The following ANKFN1 variants were observed in gnomAD, a reference collection of about 807,000 sequenced individuals.
ANKFN1 encodes ankyrin repeat and fibronectin type III domain containing 1, also known as ankyrin repeat and fibronectin type-III domain-containing protein 1.
ANKFN1 carries 74 observed loss-of-function variants against 108.7 expected under a neutral mutation model. The observed-to-expected ratio is 0.68, with a 90% confidence interval of 0.56 to 0.83. The LOEUF (loss-of-function observed/expected upper bound fraction) is 0.83. ANKFN1 is among the 40% of genes least tolerant of loss of function. ANKFN1 has a pLI of 0.00. For synonymous variants in ANKFN1, 547 were observed against 516.2 expected (o/e 1.06, Z -0.81); for missense variants, 1,505 against 1,382.3 (o/e 1.09, Z -1.41).
At chr17:56,223,460 C>T (rs1054273038) in intron 2 of ANKFN1, among the ~76,000 whole-genome samples, 11 of 151,996 alleles carry the variant, frequency 7.2e-5, no homozygotes, top group Non-Finnish European at 7.4e-5. Context: ...TAAATAAACA[C>T]GCTAAGTCAG....
At chr17:56,153,453 G>C, upstream of ANKFN1, 5 of 1,606,178 alleles carry the variant, frequency 3.1e-6, no homozygotes, top group Non-Finnish European at 3.4e-6. Flanking sequence ...TCGCAAAGGG[G>C]TTTCCCTCCA....
intron 10 of ANKFN1, among the ~76,000 whole-genome samples, chr17:56,447,020 C>T (rs1036852927): frequency 6.6e-6 from 1 of 152,092 alleles, no homozygotes; most frequent in African/African-American, 2.4e-5. Flanking sequence ...GCCAGAAGTT[C>T]GAGACCAGCC....
intron 8 of ANKFN1, among the ~76,000 whole-genome samples, chr17:56,386,577 T>G (rs2047278539): frequency 9.3e-6 from 1 of 107,806 alleles, no homozygotes; most frequent in South Asian, 3.2e-4. Context: ...TTGCATCTCA[T>G]GAGTTTTTTT....
At chr17:56,314,674 A>G (rs1240106338) in intron 3 of ANKFN1, among the ~76,000 whole-genome samples, 2 of 152,174 alleles carry the variant, frequency 1.3e-5, no homozygotes, top group East Asian at 3.9e-4. Flanking sequence ...AATAAGTAGG[A>G]AACCCAAGTC....
chr17:56,383,479 C>T lies in ANKFN1; in HGVS notation c.910+8765C>T, dbSNP rs570251153. Reference sequence around the variant, plus strand: ...GCAGAAGGCAAGAAATAACTAAAATCAGAGCAGAACTGAAGGAATTAGAGA... The same window carrying T: ...GCAGAAGGCAAGAAATAACTAAAATTAGAGCAGAACTGAAGGAATTAGAGA... On this transcript the variant is annotated intron_variant, in intron 8 of 20. Transcript: ENST00000682825. Among the ~76,000 whole-genome samples, 4 of 152,190 alleles carry T rather than the reference C, an allele frequency of 2.6e-5. No individual in the cohort carries two copies. In the East Asian group the frequency reaches 7.7e-4, roughly 29 times the overall value.
At chr17:56,118,330 C>T (rs553221961) in intron 4 of ANKFN1, among the ~76,000 whole-genome samples, 1 of 152,286 alleles carries the variant, frequency 6.6e-6, no homozygotes, top group East Asian at 1.9e-4. Context: ...AAAGTAGCCA[C>T]AACATAGTAC....
In ANKFN1 at chr17:56,326,208, A is replaced by G; in HGVS notation, c.54-13A>G. 1.2e-6 allele frequency: 2 copies of G among 1,605,234 alleles called. No individual in the cohort carries two copies. The highest frequency in any genetic ancestry group is 2.7e-5 in the African/African-American group (2 of 74,570). On this transcript the variant is annotated splice_polypyrimidine_tract_variant and intron_variant, in intron 3 of 20. Transcript: ENST00000682825. ...CCTGTAGTGATCCTGTTCGCATTTT[A>G]TTCTTTACACAGAATAGGAAGGAGA...
intron 3 of ANKFN1, among the ~76,000 whole-genome samples, chr17:56,240,755 AGTTTT>A (rs1218952830): frequency 3.3e-5 from 5 of 152,146 alleles, no homozygotes; most frequent in African/African-American, 1.2e-4. Flanking sequence ...TCATTTTTCC[AGTTTT>A]CAATTCCCAA....
intron 8 of ANKFN1, among the ~76,000 whole-genome samples, chr17:56,410,151 T>C (rs2048044872): frequency 6.6e-6 from 1 of 152,196 alleles, no homozygotes; most frequent in South Asian, 2.1e-4. Context: ...AGTGGCGCTA[T>C]CTCGGCTCAC....
chr17:56,236,127 G>A (rs1404371663), intron 3 of ANKFN1, among the ~76,000 whole-genome samples: 1 of 151,472 alleles, frequency 6.6e-6, no homozygotes, highest in African/African-American at 2.4e-5. Flanking sequence ...GCATGATCTT[G>A]GCTCACTGCA....
intron 3 of ANKFN1, chr17:56,228,671 C>A (rs1330620826): frequency 6.6e-6 from 1 of 151,686 alleles, no homozygotes; most frequent in Non-Finnish European, 1.5e-5. Flanking sequence ...TAATAATATC[C>A]AATTTACAAA....
chr17:56,223,321 CT>C (rs1916016046), intron 2 of ANKFN1, among the ~76,000 whole-genome samples: 1 of 152,066 alleles, frequency 6.6e-6, no homozygotes, highest in African/African-American at 2.4e-5. Context: ...GTTCTGAGTT[CT>C]TTTACTTTAT....
At chr17:56,326,664 C>A (rs529697202) in intron 4 of ANKFN1, among the ~76,000 whole-genome samples, 191 of 152,262 alleles carry the variant, frequency 1.3e-3, no homozygotes, top group African/African-American at 3.8e-3. Flanking sequence ...TTAGCATTGG[C>A]TATGAAAAAT....
At chr17:56,165,152 T>A (rs1910032425) in intron 1 of ANKFN1, among the ~76,000 whole-genome samples, 2 of 152,236 alleles carry the variant, frequency 1.3e-5, no homozygotes, top group African/African-American at 4.8e-5. Flanking sequence ...GTGCCTTTCA[T>A]TCTGTTAAAT....
chr17:56,460,901 C>T (rs1305483947), intron 14 of ANKFN1, among the ~76,000 whole-genome samples: 2 of 152,154 alleles, frequency 1.3e-5, no homozygotes, highest in Non-Finnish European at 2.9e-5. Flanking sequence ...CTGACATCTC[C>T]ATTTCCTACC....
At chr17:56,149,552 C>T (rs1040722077), upstream of ANKFN1, among the ~76,000 whole-genome samples, 2 of 152,192 alleles carry the variant, frequency 1.3e-5, no homozygotes, top group African/African-American at 4.8e-5. Context: ...GGGCTAGAGG[C>T]AGGGCAGCCA....
chr17:56,332,385 C>T (rs539985693), intron 4 of ANKFN1, among the ~76,000 whole-genome samples: 10 of 152,192 alleles, frequency 6.6e-5, no homozygotes, highest in Admixed American at 4.6e-4. Flanking sequence ...TATTTTTTTC[C>T]TATGTTTTGT....
At chr17:56,436,723 G>C (rs1402337697) in intron 8 of ANKFN1, among the ~76,000 whole-genome samples, 1 of 151,898 alleles carries the variant, frequency 6.6e-6, no homozygotes, top group Non-Finnish European at 1.5e-5. Context: ...CGAGCTACTT[G>C]GGAGGCTGAG....
chr17:56,078,446 CTCT>C (rs1168110954), intron 4 of ANKFN1, among the ~76,000 whole-genome samples: 5 of 152,194 alleles, frequency 3.3e-5, no homozygotes, highest in African/African-American at 1.2e-4. Flanking sequence ...CTCTGTTGAT[CTCT>C]TCTTCCAAGT....
Sources: allele counts gnomAD v4.1 joint callset (sites outside exome capture counted in the v4.1 genomes callset), GRCh38; gene constraint gnomAD v4.1.1; transcripts MANE v1.5; gene names NCBI Gene and HGNC (gene_info 2026-07-23, HGNC 2026-07-21).